Variants in GABBR2 observed in about 807,000 individuals in gnomAD.
The protein encoded by GABBR2 is G-protein coupled receptor 51.
GABBR2 carries 23 observed loss-of-function variants against 105.6 expected under a neutral mutation model. The observed-to-expected ratio is 0.22, with a 90% CI of 0.16 to 0.31. The LOEUF (loss-of-function observed/expected upper bound fraction) is 0.31, where lower values mean the gene tolerates loss of function less well. GABBR2 is among the 10% of genes least tolerant of loss of function. The probability of loss-of-function intolerance (pLI) is 1.00; values close to 1 mark genes in which losing one functional copy is unlikely to be tolerated. For missense variants in GABBR2, 734 were observed against 1,245.5 expected (o/e 0.59, Z 6.18); for synonymous variants, 478 against 499.7 (o/e 0.96, Z 0.58).
rs960796102 is a variant in GABBR2, at chr9:98,305,995, G to A, written c.2229+126C>T. On this transcript the variant is annotated intron_variant, in intron 15 of 18. Coordinates refer to ENST00000259455, the MANE Select transcript of GABBR2 (RefSeq NM_005458.8). Reference sequence around the variant, plus strand: ...GTGCATTTTCTGAATTTTCTATAATGTGAATTGTCTTCATCATAAAAAAAA... The same window carrying A: ...GTGCATTTTCTGAATTTTCTATAATATGAATTGTCTTCATCATAAAAAAAA... 6.1e-5 allele frequency: 41 copies of A among 672,758 alleles called. 1 individual carries two copies. 41.7% of individuals were successfully genotyped at this position (672,758 alleles called of 1,614,324 possible).
chr9:98,416,046 T>G (rs553547178), intron 7 of GABBR2, among the ~76,000 whole-genome samples: 45 of 152,246 alleles, frequency 3.0e-4, no homozygotes, highest in South Asian at 2.7e-3. Flanking sequence ...GCTGGCTTTT[T>G]GGGGAGAAGA....
intron 1 of GABBR2, among the ~76,000 whole-genome samples, chr9:98,631,566 G>A (rs186166589): frequency 1.3e-5 from 2 of 152,300 alleles, no homozygotes; most frequent in Admixed American, 1.3e-4. Context: ...TCCTGATAAT[G>A]TTAACAGTCT....
At chr9:98,553,746 T>C (rs1828533389) in intron 2 of GABBR2, among the ~76,000 whole-genome samples, 1 of 152,186 alleles carries the variant, frequency 6.6e-6, no homozygotes. Context: ...CCCTATGAAG[T>C]AGATGTGATT....
At position 98,506,502 on chromosome 9, in the gene GABBR2, A is replaced by G. The variant is rs144341399; in HGVS notation, c.631-9988T>C. ...GAGCTGGTCTCGCAGGGATGAGGCA[A>G]CTTCGCAAGGGCTGGGCTGCATGCT... On this transcript the variant is annotated intron_variant, in intron 3 of 18. Coordinates refer to ENST00000259455, the MANE Select transcript of GABBR2 (RefSeq NM_005458.8). Among the ~76,000 whole-genome samples the G allele has an allele frequency of 3.3e-4, 50 of 152,304 alleles. 1 individual carries two copies. The East Asian group carries it at 7.1e-3, about 22-fold the overall frequency.
chr9:98,388,724 A>T lies in GABBR2; in HGVS notation c.1529+130T>A. 1.5e-6 allele frequency: 1 copy of T among 673,110 alleles called. No individual in the cohort carries two copies. Among genetic ancestry groups the T allele is most frequent in the Non-Finnish European group, 2.5e-6 (1 of 400,328 alleles). 41.7% of individuals were successfully genotyped at this position (673,110 alleles called of 1,614,324 possible). ...CCTACAACATCCTAGCAACGGAGGA[A>T]CACTTTGGGAAACTCTGCCCTGCAG... is the stretch of plus-strand genomic sequence containing the variant. On this transcript the variant is annotated intron_variant, in intron 10 of 18. Transcript: ENST00000259455. This position sits in a 1 kb window ranked among gnomAD's most constrained non-coding sequence, Gnocchi z 4.4.
chr9:98,629,696 C>T (rs905320392), intron 1 of GABBR2, among the ~76,000 whole-genome samples: 32 of 152,270 alleles, frequency 2.1e-4, no homozygotes, highest in East Asian at 5.8e-4. Context: ...TGGCTCACCC[C>T]TTTTTTCTTG....
intron 1 of GABBR2, among the ~76,000 whole-genome samples, chr9:98,653,554 A>G (rs1429690184): frequency 6.6e-6 from 1 of 152,228 alleles, no homozygotes; most frequent in African/African-American, 2.4e-5. Flanking sequence ...AGTTTACCTT[A>G]ACTGTCTTCC....
Position 98,605,920 on chromosome 9 carries a change from C to T in GABBR2, c.322-27848G>A, listed in dbSNP as rs542084185. ...GGTATATCTCCTAATGCTATCCCTC[C>T]CCCGTCCCTCCACCCCACTACAGGC... On this transcript the variant is annotated intron_variant, in intron 1 of 18. Transcript: ENST00000259455. 2.6e-4 allele frequency among the ~76,000 whole-genome samples: 39 copies of T among 152,152 alleles called. 1 individual carries two copies. The highest frequency in any genetic ancestry group is 9.4e-4 in the African/African-American group (39 of 41,510).
chr9:98,564,563 C>A (rs1564115896), intron 2 of GABBR2, among the ~76,000 whole-genome samples: 1 of 152,308 alleles, frequency 6.6e-6, no homozygotes, highest in East Asian at 1.9e-4. Flanking sequence ...AGAATAACAG[C>A]CTCTTAGGGT....
chr9:98,322,767 C>T (rs1258113867), intron 13 of GABBR2, among the ~76,000 whole-genome samples: 1 of 152,004 alleles, frequency 6.6e-6, no homozygotes, highest in African/African-American at 2.4e-5. Context: ...CGGTGAAGTT[C>T]GCATCCATTC....
At chr9:98,421,036 A>G (rs1832774471) in intron 7 of GABBR2, among the ~76,000 whole-genome samples, 1 of 152,226 alleles carries the variant, frequency 6.6e-6, no homozygotes, top group African/African-American at 2.4e-5. Flanking sequence ...GTTCAAAAAC[A>G]AACAAGCCAG....
At chr9:98,555,270 A>G (rs1251867409) in intron 2 of GABBR2, among the ~76,000 whole-genome samples, 1 of 152,226 alleles carries the variant, frequency 6.6e-6, no homozygotes, top group African/African-American at 2.4e-5. Context: ...CATTTTACAG[A>G]TGAGAAGCCT....
intron 1 of GABBR2, among the ~76,000 whole-genome samples, chr9:98,610,915 C>T (rs1391048211): frequency 6.6e-6 from 1 of 152,136 alleles, no homozygotes; most frequent in Non-Finnish European, 1.5e-5. Flanking sequence ...TTGCTTGAGC[C>T]CGGGAGGCAA....
At chr9:98,436,603 A>G (rs75055860) in intron 7 of GABBR2, among the ~76,000 whole-genome samples, 1,694 of 150,914 alleles carry the variant, frequency 0.011, 32 homozygotes, top group African/African-American at 0.038. Context: ...TGGGGACAGC[A>G]TGCAACCTTG....
At chr9:98,380,186 T>C (rs546105425) in intron 11 of GABBR2, among the ~76,000 whole-genome samples, 4 of 152,354 alleles carry the variant, frequency 2.6e-5, no homozygotes, top group East Asian at 3.9e-4. Context: ...AGGCTGCCCC[T>C]GGCTGAAAGC....
chr9:98,633,616 G>A (rs1263814195), intron 1 of GABBR2, among the ~76,000 whole-genome samples: 3 of 109,898 alleles, frequency 2.7e-5, no homozygotes, highest in Admixed American at 1.0e-4. Flanking sequence ...AAGAGCGCGA[G>A]ACTCCATCTC....
chr9:98,554,108 G>A (rs553596368), intron 2 of GABBR2, among the ~76,000 whole-genome samples: 1 of 152,282 alleles, frequency 6.6e-6, no homozygotes, highest in South Asian at 2.1e-4. Context: ...TGGGACTTTG[G>A]TTCTTAGAAT....
chr9:98,581,852 A>C (rs886090918), intron 1 of GABBR2, among the ~76,000 whole-genome samples: 9 of 152,246 alleles, frequency 5.9e-5, no homozygotes, highest in African/African-American at 2.2e-4. Flanking sequence ...TTATTAATAC[A>C]TGCTTGCTTA....
At chr9:98,555,995 C>T (rs1220550294) in intron 2 of GABBR2, 1 of 125,722 alleles carries the variant, frequency 8.0e-6, no homozygotes, top group Non-Finnish European at 1.9e-5. Context: ...GCTCTGTAGC[C>T]ATGGGAGACA....
Sources: gnomAD v4.1 joint callset for allele counts (sites outside exome capture counted in the v4.1 genomes callset) on GRCh38, gnomAD v4.1.1 for gene constraint, Gnocchi (gnomAD v3.1) non-coding constraint, MANE v1.5 for transcripts, NCBI Gene and HGNC (gene_info 2026-07-23, HGNC 2026-07-21) for gene names.